The following CTCFL variants were observed in gnomAD, a reference collection of about 807,000 sequenced individuals.
The protein encoded by CTCFL is CCCTC-binding factor like, also known as transcriptional repressor CTCFL.
In CTCFL, 36 loss-of-function variants were observed where a neutral mutation model predicts 67.4. That is an observed-to-expected ratio of 0.53 (90% CI 0.41 to 0.71). CTCFL has a LOEUF of 0.71. Among genes scored for constraint, CTCFL ranks in the 30% least tolerant of loss-of-function variants. The pLI, the probability that CTCFL is intolerant of heterozygous loss-of-function variation, is 0.00. For missense variants in CTCFL, 786 were observed against 835.2 expected (o/e 0.94, Z 0.73); for synonymous variants, 324 against 302.3 (o/e 1.07, Z -0.75).
Position 57,524,038 on chromosome 20 carries a change from G to C in CTCFL, c.168C>G (p.Phe56Leu). 1.2e-6 allele frequency: 2 copies of C among 1,613,530 alleles called. No individual in the cohort carries two copies. Among genetic ancestry groups the C allele is most frequent in the South Asian group, 1.1e-5 (1 of 91,082 alleles). The change falls in exon 2 of 11, where the codon TTC becomes TTG. Residue 56 changes from phenylalanine to leucine, a missense_variant. Around this residue, in one of 3 missense-constraint regions of CTCFL, gnomAD observed 333 missense variants for 304.6 expected, o/e 1.09. Transcript: ENST00000243914. ...CTTCTTCCTCCAGGACGCTGTCCTG[G>C]AAGGCCCCAGAGGTACGCTCGGCCT... ...ELEAERTSGA[F>L]QDSVLEEEVE...
intron 10 of CTCFL, chr20:57,499,788 C>T (rs1488751044): frequency 5.6e-6 from 1 of 178,780 alleles, no homozygotes; most frequent in African/African-American, 2.4e-5. Flanking sequence ...ACAGGGTTCA[C>T]ACTCATGAGA....
chr20:57,498,597 C>G lies in CTCFL; in HGVS notation c.1945G>C (p.Asp649His), dbSNP rs999173924. Residue 649 changes from aspartate (D) to histidine (H), a missense_variant, in exon 11 of 11, where the codon GAT becomes CAT. This residue lies in a region of CTCFL where 199 missense variants were observed against 196.7 expected (regional missense o/e 1.01). Coordinates refer to ENST00000243914, the MANE Select transcript of CTCFL (RefSeq NM_001386993.1). ...ETTARVKEEV[D>H]EGVTCEMLLN... The stretch of plus-strand genomic sequence containing the variant: ...AGCATTTCACAGGTCACGCCTTCAT[C>G]CACTTCCTCTTTGACTCTGGCTGTG... The G allele has an allele frequency of 6.8e-6, 11 of 1,614,180 alleles. No individual in the cohort carries two copies. The highest frequency in any genetic ancestry group is 9.3e-6 in the Non-Finnish European group (11 of 1,180,008).
At chr20:57,505,073 GCA>G (rs764633859) in intron 9 of CTCFL, among the ~76,000 whole-genome samples, 57 of 151,944 alleles carry the variant, frequency 3.8e-4, no homozygotes, top group Non-Finnish European at 6.8e-4. Context: ...ACTGAAAAAT[GCA>G]CAGTTAAAGA....
chr20:57,515,854 T>C lies in CTCFL; in HGVS notation c.1060-20A>G, dbSNP rs2068879499. 6.3e-7 allele frequency: 1 copy of C among 1,596,882 alleles called. No homozygotes were observed. The highest frequency in any genetic ancestry group is 8.5e-7 in the Non-Finnish European group (1 of 1,171,166). ...ACTTGCCTAATAAATACATAAATGA[T>C]GTTCGTTGCAATAGAAACTAAAAAA... On this transcript the variant is annotated intron_variant, in intron 5 of 10. Transcript: ENST00000243914.
chr20:57,520,945 G>T (rs2069309318), intron 3 of CTCFL, among the ~76,000 whole-genome samples: 1 of 152,240 alleles, frequency 6.6e-6, no homozygotes, highest in Non-Finnish European at 1.5e-5. Flanking sequence ...AAGAGGAAAA[G>T]AGATGTAGAG....
intron 10 of CTCFL, chr20:57,499,855 TG>T: frequency 1.8e-6 from 1 of 541,564 alleles, no homozygotes; most frequent in Non-Finnish European, 2.4e-6. Context: ...ATGCGCCCGA[TG>T]GGGAGCGGCT....
At chr20:57,521,206 C>T (rs1170716350) in intron 3 of CTCFL, among the ~76,000 whole-genome samples, 5 of 152,132 alleles carry the variant, frequency 3.3e-5, no homozygotes, top group Admixed American at 6.6e-5. Context: ...TTTGTCATGG[C>T]GTCCCTGGGA....
intron 7 of CTCFL, chr20:57,513,798 C>T: frequency 7.9e-7 from 1 of 1,273,672 alleles, no homozygotes; most frequent in Non-Finnish European, 1.0e-6. Context: ...GTTCTGCTAA[C>T]ATATTTTTGT....
intron 5 of CTCFL, among the ~76,000 whole-genome samples, chr20:57,518,125 G>C (rs1166388615): frequency 2.0e-5 from 3 of 152,054 alleles, no homozygotes; most frequent in East Asian, 3.9e-4. Flanking sequence ...GCTCAAAACC[G>C]GGCCTCAGCC....
At chr20:57,513,838 G>C (rs1161279282) in intron 7 of CTCFL, 1 of 1,288,774 alleles carries the variant, frequency 7.8e-7, no homozygotes, top group Non-Finnish European at 1.0e-6. Flanking sequence ...TTTGGAAAGA[G>C]AAATAAGATC....
chr20:57,513,552 C>T (rs1231678447), intron 7 of CTCFL: 1 of 1,104,998 alleles, frequency 9.0e-7, no homozygotes, highest in Non-Finnish European at 1.1e-6. Flanking sequence ...TGGATATAAA[C>T]CATGTTACTT....
chr20:57,500,337 C>A, intron 10 of CTCFL: 1 of 421,152 alleles, frequency 2.4e-6, no homozygotes. Context: ...CATCTGTAAT[C>A]CCAGCTCCGG....
Position 57,512,612 on chromosome 20 carries a change from A to G in CTCFL, c.1471T>C (p.Cys491Arg), listed in dbSNP as rs745963778. Residue 491 changes from cysteine (C) to arginine (R), a missense_variant, in exon 8 of 11, where the codon TGC becomes CGC. Physicochemically the swap from Cys to Arg is radical, Grantham distance 180 (BLOSUM62 -3). Around this residue, in one of 3 missense-constraint regions of CTCFL, gnomAD observed 254 missense variants for 333.9 expected, o/e 0.76. Coordinates refer to ENST00000243914, the MANE Select transcript of CTCFL (RefSeq NM_001386993.1). Reference sequence around the variant, plus strand: ...AATACCTGCTTGCAGGCATAACTGCAGTGTTTGCACTTGAACCTCTTCTCA... The same window carrying G: ...AATACCTGCTTGCAGGCATAACTGCGGTGTTTGCACTTGAACCTCTTCTCA... Reference protein sequence around the residue: ...KNEKRFKCKHCSYACKQERHM... With the variant: ...KNEKRFKCKHRSYACKQERHM... 1.2e-6 allele frequency: 2 copies of G among 1,614,214 alleles called. No homozygotes were observed. Among genetic ancestry groups the G allele is most frequent in the South Asian group, 2.2e-5 (2 of 91,080 alleles).
intron 9 of CTCFL, 40 bp downstream of exon 9, chr20:57,508,566 T>A: frequency 2.5e-6 from 4 of 1,592,680 alleles, no homozygotes; most frequent in Non-Finnish European, 3.4e-6. Flanking sequence ...GATAGAGGGA[T>A]CTTTCCATGG....
chr20:57,501,210 C>T (rs1040531341), intron 10 of CTCFL, among the ~76,000 whole-genome samples: 9 of 152,178 alleles, frequency 5.9e-5, no homozygotes, highest in African/African-American at 2.2e-4. Context: ...GAGGAGCCTG[C>T]GGTGCCCTGC....
chr20:57,518,615 T>C, intron 5 of CTCFL, 143 bp downstream of exon 5: 2 of 1,533,576 alleles, frequency 1.3e-6, no homozygotes, highest in East Asian at 2.3e-5. Context: ...TAAAAGAGAA[T>C]GCATATTATT....
At chr20:57,500,770 A>G (rs2067872352) in intron 10 of CTCFL, among the ~76,000 whole-genome samples, 1 of 152,212 alleles carries the variant, frequency 6.6e-6, no homozygotes, top group African/African-American at 2.4e-5. Context: ...ACTGAGGGTG[A>G]CATGTTCAAA....
At chr20:57,512,219 G>A (rs1396631092) in intron 8 of CTCFL, among the ~76,000 whole-genome samples, 1 of 152,178 alleles carries the variant, frequency 6.6e-6, no homozygotes, top group African/African-American at 2.4e-5. Context: ...GTGTGTGAAG[G>A]TGAAGAATAC....
chr20:57,498,798 T>G, intron 10 of CTCFL, 97 bp from the exon 11 acceptor site: 1 of 1,073,264 alleles, frequency 9.3e-7, no homozygotes, highest in South Asian at 1.5e-5. Flanking sequence ...TCACTTAAAT[T>G]TGAACACGGC....
Sources: gnomAD v4.1 joint callset for allele counts (sites outside exome capture counted in the v4.1 genomes callset) on GRCh38, gnomAD v4.1.1 for gene constraint, gnomAD v4.1.1 regional missense constraint, MANE v1.5 for transcripts, NCBI Gene and HGNC (gene_info 2026-07-23, HGNC 2026-07-21) for gene names.